Variants in SLC15A2 observed in about 807,000 individuals in gnomAD.
SLC15A2 encodes the protein kidney H(+)/peptide cotransporter.
Under a neutral mutation model 95.5 loss-of-function variants are expected in SLC15A2, and 77 were observed. The ratio of observed to expected loss-of-function variants is 0.81; its 90% CI spans 0.67 to 0.97. The LOEUF is 0.97. SLC15A2 is among the 50% of genes least tolerant of loss of function. The pLI is 0.00. For missense variants in SLC15A2, 893 were observed against 874.4 expected, an observed-to-expected ratio of 1.02 and a Z score of -0.27; for synonymous variants, 306 against 306.9, an observed-to-expected ratio of 1.00 and a Z score of 0.03.
At chr3:121,921,851 G>T (rs1710011196) in intron 7 of SLC15A2, among the ~76,000 whole-genome samples, 1 of 152,170 alleles carries the variant, frequency 6.6e-6, no homozygotes, top group Admixed American at 6.5e-5. Flanking sequence ...ATAAAACTTG[G>T]TAACATTTCA....
Position 121,940,825 on chromosome 3 carries a change from C to T in SLC15A2, c.2014-6C>T. On this transcript the variant is annotated splice_polypyrimidine_tract_variant and splice_region_variant and intron_variant, in intron 21 of 21. Coordinates refer to ENST00000489711, the MANE Select transcript of SLC15A2 (RefSeq NM_021082.4). ...ATATTCTTCTCATATTTATTTCCCC[C>T]TGCAGTGGGCCGAATTCATTTTGTT... 1.2e-6 allele frequency: 2 copies of T among 1,609,972 alleles called. No individual in the cohort carries two copies. Among genetic ancestry groups the T allele is most frequent in the Non-Finnish European group, 1.7e-6 (2 of 1,178,278 alleles).
chr3:121,942,877 G>GA lies in SLC15A2; in HGVS notation c.*1876dup, dbSNP rs1423716772. The stretch of plus-strand genomic sequence containing the variant: ...ATGTACGCTGCAGAACATTGGTTTG[G>GA]AAAAAACTGTTGAGCAGTTCTTCCT... On this transcript the variant is annotated 3_prime_UTR_variant, in exon 22 of 22. Transcript: ENST00000489711. 2.0e-5 allele frequency: 3 copies of GA among 152,172 alleles called. No individual in the cohort carries two copies. Among genetic ancestry groups the GA allele is most frequent in the African/African-American group, 7.2e-5 (3 of 41,462 alleles). The allele number at this position is 152,172 out of a possible 1,614,324, so 9.4% of individuals were successfully genotyped here.
At chr3:121,929,627 T>A (rs879335438) in intron 17 of SLC15A2, among the ~76,000 whole-genome samples, 1 of 152,160 alleles carries the variant, frequency 6.6e-6, no homozygotes, top group Non-Finnish European at 1.5e-5. Context: ...CTCAGGAAAA[T>A]AACTGAGTAC....
At chr3:121,915,062 G>C in intron 5 of SLC15A2, 165 bp from the exon 6 acceptor site, 1 of 1,216,644 alleles carries the variant, frequency 8.2e-7, no homozygotes, top group Non-Finnish European at 1.1e-6. Flanking sequence ...ATTGGGGTCA[G>C]CCAGCAATGT....
rs368028952 is a variant in SLC15A2 at position 121,909,645 on chromosome 3, G to T, written c.336-1929G>T. On this transcript the variant is annotated intron_variant, in intron 3 of 21. Coordinates refer to ENST00000489711, the MANE Select transcript of SLC15A2 (RefSeq NM_021082.4). ...TGTTGTTTTTGTTTGTTTTTTGGTT[G>T]TTTTTTTAATCTATAAGTTGCCTAT... 1.8e-3 allele frequency among the ~76,000 whole-genome samples: 274 copies of T among 151,806 alleles called. 8 individuals are homozygous for T. In the South Asian group the frequency reaches 0.056, roughly 31 times the overall value.
intron 3 of SLC15A2, among the ~76,000 whole-genome samples, chr3:121,900,515 G>A (rs1236898548): frequency 6.6e-6 from 1 of 152,178 alleles, no homozygotes; most frequent in Non-Finnish European, 1.5e-5. Flanking sequence ...AATTTCTGGT[G>A]ACTATTAAAT....
chr3:121,939,144 A>C, intron 19 of SLC15A2: 1 of 390,102 alleles, frequency 2.6e-6, no homozygotes, highest in Non-Finnish European at 4.5e-6. Context: ...GTCAATAATG[A>C]TATCTGATTG....
intron 4 of SLC15A2, among the ~76,000 whole-genome samples, chr3:121,912,335 G>A (rs943687127): frequency 2.0e-5 from 3 of 152,150 alleles, no homozygotes; most frequent in African/African-American, 4.8e-5. Flanking sequence ...CTGGGTTCAA[G>A]TGATTCTCCC....
chr3:121,903,349 A>G (rs942748180), intron 3 of SLC15A2, among the ~76,000 whole-genome samples: 114 of 152,110 alleles, frequency 7.5e-4, no homozygotes, highest in Non-Finnish European at 1.4e-3. Context: ...AAGCTCTTTA[A>G]TTTAATTAGA....
In SLC15A2 at chr3:121,896,456, T is replaced by C. The variant is rs1226277363; in HGVS notation, c.156T>C (p.Asn52=). ...TGAGCATTGCCTTCATTGTGGTGAA[T>C]GAATTCTGCGAGCGCTTTTCCTATT... ...YPLSIAFIVV[N]EFCERFSYYG... is the part of the protein sequence containing the mutation. Residue 52 remains asparagine (N), a synonymous_variant, in exon 2 of 22, where the codon AAT becomes AAC. Coordinates refer to ENST00000489711, the MANE Select transcript of SLC15A2 (RefSeq NM_021082.4). 2 of 1,614,032 alleles carry C rather than the reference T, an allele frequency of 1.2e-6. No homozygotes were observed. The highest frequency in any genetic ancestry group is 2.7e-5 in the African/African-American group (2 of 74,926).
intron 3 of SLC15A2, among the ~76,000 whole-genome samples, chr3:121,905,219 A>G (rs1186922465): frequency 6.6e-6 from 1 of 151,728 alleles, no homozygotes; most frequent in Non-Finnish European, 1.5e-5. Flanking sequence ...TTTTTATTGT[A>G]TCTATTTGAT....
Position 121,929,130 on chromosome 3 carries a change from G to A in SLC15A2, c.1490G>A (p.Ser497Asn), listed in dbSNP as rs1463032647. 7 of 1,612,852 alleles carry A rather than the reference G, an allele frequency of 4.3e-6. No individual in the cohort carries two copies. Among genetic ancestry groups the A allele is most frequent in the East Asian group, 2.2e-5 (1 of 44,852 alleles). ...YSLVIREDGNSISSMMVKDTE... is the reference protein window; with the variant it reads ...YSLVIREDGNNISSMMVKDTE... ...CTTGTCATTCGTGAAGATGGGAACA[G>A]TATCTCCAGCATGATGGTAATTTGA... is the stretch of plus-strand genomic sequence containing the variant. Residue 497 changes from serine (S) to asparagine (N), a missense_variant, in exon 16 of 22, where the codon AGT becomes AAT. Ser to Asn is a conservative substitution (Grantham distance 46). Transcript: ENST00000489711.
intron 17 of SLC15A2, 61 bp downstream of exon 17, chr3:121,929,409 T>C: frequency 6.5e-7 from 1 of 1,538,166 alleles, no homozygotes; most frequent in Non-Finnish European, 9.0e-7. Flanking sequence ...TCTCTTCTAA[T>C]CTTTGGGGCT....
At chr3:121,924,466 A>T (rs1710072190) in intron 12 of SLC15A2, 83 bp downstream of exon 12, 1 of 1,208,700 alleles carries the variant, frequency 8.3e-7, no homozygotes, top group Non-Finnish European at 1.2e-6. Context: ...TAACAACCAT[A>T]ATTTGATGCT....
chr3:121,923,589 C>T (rs1313441765), intron 11 of SLC15A2, among the ~76,000 whole-genome samples: 1 of 152,124 alleles, frequency 6.6e-6, no homozygotes, highest in East Asian at 1.9e-4. Flanking sequence ...ACAGCAGGGA[C>T]AGGTTTGAGT....
At chr3:121,925,725 ACTATATATATAT>A (rs1264592090) in intron 13 of SLC15A2, among the ~76,000 whole-genome samples, 7 of 56,330 alleles carry the variant, frequency 1.2e-4, no homozygotes, top group Admixed American at 2.5e-4. Context: ...AAGGGGCTAG[ACTATATATATAT>A]ATATATATAT....
At chr3:121,922,175 C>T (rs1710018412) in intron 7 of SLC15A2, 45 bp from the exon 8 acceptor site, 1 of 1,526,828 alleles carries the variant, frequency 6.5e-7, no homozygotes, top group Admixed American at 1.7e-5. Flanking sequence ...TTGCACCAAC[C>T]TAATAAATGA....
intron 19 of SLC15A2, among the ~76,000 whole-genome samples, chr3:121,932,342 C>T (rs1470187317): frequency 6.6e-6 from 1 of 152,168 alleles, no homozygotes; most frequent in African/African-American, 2.4e-5. Context: ...TTGCTCCAGT[C>T]TTTTTATGTC....
Position 121,941,016 on chromosome 3 carries a change from T to C in SLC15A2, c.*9T>C. ...AGAAGACAAAACTCTGATGACTCCC[T>C]AGATTCTGTCCTGACCCCAATTCCT... On this transcript the variant is annotated 3_prime_UTR_variant, in exon 22 of 22. Transcript: ENST00000489711. 1 of 1,611,136 alleles carries C rather than the reference T, an allele frequency of 6.2e-7. No individual in the cohort carries two copies. The highest frequency in any genetic ancestry group is 8.5e-7 in the Non-Finnish European group (1 of 1,178,598).
Sources: allele counts gnomAD v4.1 joint callset (sites outside exome capture counted in the v4.1 genomes callset), GRCh38; gene constraint gnomAD v4.1.1; transcripts MANE v1.5; gene names NCBI Gene and HGNC (gene_info 2026-07-23, HGNC 2026-07-21).